The following PLA2G4A variants were observed in gnomAD, a reference collection of about 807,000 sequenced individuals.
The protein encoded by PLA2G4A is cytosolic phospholipase A2.
Under a neutral mutation model 81.9 loss-of-function variants are expected in PLA2G4A, and 40 were observed. The observed-to-expected ratio is 0.49, with a 90% CI of 0.38 to 0.64. The LOEUF is 0.64. Ranked by LOEUF, PLA2G4A falls within the 30% of genes least tolerant of loss-of-function variation. The pLI is 0.00. For missense variants in PLA2G4A, 715 were observed against 905.1 expected (o/e 0.79, Z 2.69); for synonymous variants, 302 against 296.9 (o/e 1.02, Z -0.18).
chr1:186,848,846 A>G (rs1652276981), intron 1 of PLA2G4A, among the ~76,000 whole-genome samples: 1 of 152,094 alleles, frequency 6.6e-6, no homozygotes, highest in Admixed American at 6.6e-5. Context: ...TTTGGATTTA[A>G]TATCAGGAGA....
chr1:186,838,232 G>A (rs951489641), intron 1 of PLA2G4A, among the ~76,000 whole-genome samples: 2 of 152,152 alleles, frequency 1.3e-5, no homozygotes, highest in African/African-American at 4.8e-5. Context: ...TCTGCAACAT[G>A]TTTAAATGCT....
At chr1:186,836,559 G>C (rs1455047108) in intron 1 of PLA2G4A, among the ~76,000 whole-genome samples, 7 of 152,056 alleles carry the variant, frequency 4.6e-5, no homozygotes, top group Non-Finnish European at 1.0e-4. Flanking sequence ...CTTAGAAAAA[G>C]AACAGGTATT....
At chr1:186,876,916 C>A (rs531864248) in intron 3 of PLA2G4A, among the ~76,000 whole-genome samples, 35 of 152,196 alleles carry the variant, frequency 2.3e-4, no homozygotes, top group African/African-American at 7.9e-4. Flanking sequence ...ACCTGTAGGG[C>A]GACCTGCTTA....
intron 10 of PLA2G4A, among the ~76,000 whole-genome samples, chr1:186,942,185 A>G (rs1001830117): frequency 1.3e-5 from 2 of 152,176 alleles, no homozygotes; most frequent in African/African-American, 4.8e-5. Flanking sequence ...AATGGGGTTC[A>G]TAGTAGAGAG....
chr1:186,885,983 G>T (rs1178715190), intron 3 of PLA2G4A, among the ~76,000 whole-genome samples: 2 of 152,048 alleles, frequency 1.3e-5, no homozygotes, highest in African/African-American at 4.8e-5. Flanking sequence ...TATAATGGCT[G>T]GGTATTTTCT....
At chr1:186,977,443 A>G in intron 15 of PLA2G4A, 150 bp from the exon 16 acceptor site, 2 of 624,698 alleles carry the variant, frequency 3.2e-6, no homozygotes, top group South Asian at 3.9e-5. Flanking sequence ...GAAATTAATG[A>G]ACTTCCTGAG....
Position 186,975,416 on chromosome 1 carries a change from G to A in PLA2G4A, c.1765-2177G>A, listed in dbSNP as rs914223040. On this transcript the variant is annotated intron_variant, in intron 15 of 17. Transcript: ENST00000367466. ...ACATAAAATTCATGACATTCCAGAA[G>A]CAAAAAGAGCAGTGAAAGTTCAATG... 3.9e-5 allele frequency among the ~76,000 whole-genome samples: 6 copies of A among 152,256 alleles called. No individual in the cohort carries two copies. In the East Asian group the frequency reaches 1.2e-3, roughly 29 times the overall value.
chr1:186,837,896 G>T (rs975215788), intron 1 of PLA2G4A, among the ~76,000 whole-genome samples: 1 of 152,070 alleles, frequency 6.6e-6, no homozygotes, highest in African/African-American at 2.4e-5. Context: ...GTAACAGTAG[G>T]AGGAACATTG....
At position 186,911,359 on chromosome 1, in the gene PLA2G4A, G is replaced by T; in HGVS notation, c.528G>T (p.Lys176Asn). ...GCATGAAGAAACTCTTGGGTCCAAA[G>T]AATAGTGAAGGATTGCATTCTGCAC... ...RESMKKLLGPKNSEGLHSARD... is the reference protein window; with the variant it reads ...RESMKKLLGPNNSEGLHSARD... Residue 176 changes from lysine (K) to asparagine (N), a missense_variant, in exon 7 of 18, where the codon AAG becomes AAT. Coordinates refer to ENST00000367466, the MANE Select transcript of PLA2G4A (RefSeq NM_024420.3). The T allele has an allele frequency of 6.2e-7, 1 of 1,611,612 alleles. No homozygotes were observed. Among genetic ancestry groups the T allele is most frequent in the Non-Finnish European group, 8.5e-7 (1 of 1,177,680 alleles).
chr1:186,834,437 T>C (rs992835780), intron 1 of PLA2G4A, among the ~76,000 whole-genome samples: 9 of 152,180 alleles, frequency 5.9e-5, no homozygotes, highest in African/African-American at 1.7e-4. Flanking sequence ...TTTAAATGTT[T>C]AAATATATTG....
intron 8 of PLA2G4A, among the ~76,000 whole-genome samples, chr1:186,937,804 A>G (rs1656007992): frequency 6.6e-6 from 1 of 151,840 alleles, no homozygotes; most frequent in Admixed American, 6.6e-5. Flanking sequence ...GGGGAATATG[A>G]GCATGTTATT....
chr1:186,919,843 G>A (rs1655281624), intron 7 of PLA2G4A, among the ~76,000 whole-genome samples: 2 of 152,200 alleles, frequency 1.3e-5, no homozygotes, highest in African/African-American at 2.4e-5. Flanking sequence ...CGCAAGTCCT[G>A]TACTGGCTGG....
At chr1:186,890,648 G>A (rs1449299579) in intron 3 of PLA2G4A, among the ~76,000 whole-genome samples, 1 of 151,838 alleles carries the variant, frequency 6.6e-6, no homozygotes, top group Admixed American at 6.6e-5. Context: ...GAGGTCAGGA[G>A]ATCGAGACCA....
In PLA2G4A at chr1:186,893,011, T is replaced by C; in HGVS notation, c.116T>C (p.Leu39Pro). ...KVTKGAFGDM[L>P]DTPDPYVELF... ...TCTTGTTTGTGTTTACTATCTGTAG[T>C]TGATACTCCAGATCCCTATGTGGAA... The change falls in exon 4 of 18, where the codon CTT becomes CCT. Residue 39 changes from leucine to proline, a missense_variant and splice_region_variant. Coordinates refer to ENST00000367466, the MANE Select transcript of PLA2G4A (RefSeq NM_024420.3). 6.2e-7 allele frequency: 1 copy of C among 1,606,272 alleles called. No homozygotes were observed. Among genetic ancestry groups the C allele is most frequent in the Non-Finnish European group, 8.5e-7 (1 of 1,172,834 alleles).
chr1:186,958,545 G>T (rs1268256682), intron 14 of PLA2G4A, among the ~76,000 whole-genome samples: 2 of 152,164 alleles, frequency 1.3e-5, no homozygotes, highest in African/African-American at 2.4e-5. Flanking sequence ...GATCAAAGGA[G>T]ATAATTCTGT....
intron 17 of PLA2G4A, among the ~76,000 whole-genome samples, chr1:186,981,548 CT>C (rs2102301849): frequency 6.6e-6 from 1 of 152,250 alleles, no homozygotes; most frequent in Non-Finnish European, 1.5e-5. Context: ...TATGTTTTCA[CT>C]TTTTATTGTT....
chr1:186,970,617 C>T (rs1377397557), intron 15 of PLA2G4A, among the ~76,000 whole-genome samples: 1 of 151,996 alleles, frequency 6.6e-6, no homozygotes, highest in African/African-American at 2.4e-5. Flanking sequence ...TTTCATTTTT[C>T]TGCATGTGGA....
At chr1:186,986,466 A>C (rs28493593) in intron 17 of PLA2G4A, among the ~76,000 whole-genome samples, 1 of 152,244 alleles carries the variant, frequency 6.6e-6, no homozygotes, top group East Asian at 1.9e-4. Context: ...CTAGAAAGGC[A>C]GGGAGATTTT....
intron 1 of PLA2G4A, among the ~76,000 whole-genome samples, chr1:186,833,302 G>T (rs1571317883): frequency 6.8e-6 from 1 of 148,104 alleles, no homozygotes; most frequent in Non-Finnish European, 1.5e-5. Context: ...GGCTGAGGCA[G>T]GGGGATCATT....
Sources: allele counts gnomAD v4.1 joint callset (sites outside exome capture counted in the v4.1 genomes callset), GRCh38; gene constraint gnomAD v4.1.1; transcripts MANE v1.5; gene names NCBI Gene and HGNC (gene_info 2026-07-23, HGNC 2026-07-21).